Variants in ROR1 observed in about 807,000 individuals in gnomAD.
The protein encoded by ROR1 is inactive tyrosine-protein kinase transmembrane receptor ROR1.
Under a neutral mutation model 78.8 loss-of-function variants are expected in ROR1, and 19 were observed. That is an observed-to-expected ratio of 0.24 (90% CI 0.17 to 0.35). ROR1 has a LOEUF of 0.35. Ranked by LOEUF, ROR1 falls within the 10% of genes least tolerant of loss-of-function variation. ROR1 has a pLI of 1.00. For synonymous variants in ROR1, 386 were observed against 433.6 expected (o/e 0.89, Z 1.36); for missense variants, 917 against 1,177.8 (o/e 0.78, Z 3.24).
chr1:63,869,095 G>C (rs1645235241), intron 1 of ROR1, among the ~76,000 whole-genome samples: 2 of 152,158 alleles, frequency 1.3e-5, no homozygotes, highest in Admixed American at 1.3e-4. Flanking sequence ...CATTAGTGGG[G>C]ACACCCTTCC....
At chr1:63,996,546 T>C (rs1366568388) in intron 1 of ROR1, among the ~76,000 whole-genome samples, 1 of 152,196 alleles carries the variant, frequency 6.6e-6, no homozygotes. Flanking sequence ...TGCAGGATGA[T>C]AGTAATCCTC....
At chr1:64,124,110 A>C (rs1648634763) in intron 4 of ROR1, among the ~76,000 whole-genome samples, 1 of 152,198 alleles carries the variant, frequency 6.6e-6, no homozygotes, top group Non-Finnish European at 1.5e-5. Flanking sequence ...TTGTGTGTTT[A>C]TATGTATGTG....
chr1:63,877,386 A>ATG (rs1432516989), intron 1 of ROR1, among the ~76,000 whole-genome samples: 1 of 152,158 alleles, frequency 6.6e-6, no homozygotes, highest in African/African-American at 2.4e-5. Flanking sequence ...CATCTGTCTG[A>ATG]TGGGGATCAT....
intron 1 of ROR1, among the ~76,000 whole-genome samples, chr1:63,932,959 GC>G (rs1645765816): frequency 1.3e-5 from 2 of 152,286 alleles, no homozygotes; most frequent in East Asian, 3.9e-4. Flanking sequence ...CTGTCTGACA[GC>G]CCTTTATCTC....
At chr1:63,958,662 A>C (rs563412158) in intron 1 of ROR1, among the ~76,000 whole-genome samples, 1 of 152,338 alleles carries the variant, frequency 6.6e-6, no homozygotes, top group East Asian at 1.9e-4. Flanking sequence ...TCCAATGCTC[A>C]TATAGTGGAT....
In ROR1 at chr1:63,946,365, C is replaced by G. The variant is rs76378973; in HGVS notation, c.92-62940C>G. On this transcript the variant is annotated intron_variant, in intron 1 of 8. Transcript: ENST00000371079. ...CTCCCCCAGCGTTTTTCCCCAATGT[C>G]TGTTTAACCAGTTTTGTGTCTGCTT... is the stretch of plus-strand genomic sequence containing the variant. Among the ~76,000 whole-genome samples, 176 of 152,260 alleles carry G rather than the reference C, an allele frequency of 1.2e-3. 3 individuals are homozygous for G. The East Asian group carries it at 0.031, about 27-fold the overall frequency.
At chr1:63,982,724 A>G (rs780743562) in intron 1 of ROR1, among the ~76,000 whole-genome samples, 8 of 152,172 alleles carry the variant, frequency 5.3e-5, no homozygotes, top group Non-Finnish European at 1.2e-4. Context: ...AGTAGCTTTC[A>G]AGGAGTTGAA....
At chr1:63,783,938 CCA>C (rs1418506956) in intron 1 of ROR1, among the ~76,000 whole-genome samples, 1 of 152,118 alleles carries the variant, frequency 6.6e-6, no homozygotes, top group Non-Finnish European at 1.5e-5. Flanking sequence ...CTGCCCAAGA[CCA>C]CACAGAGAGT....
intron 4 of ROR1, among the ~76,000 whole-genome samples, chr1:64,061,952 C>T (rs867752946): frequency 6.6e-6 from 1 of 152,132 alleles, no homozygotes; most frequent in Non-Finnish European, 1.5e-5. Context: ...ATCTGTCAGG[C>T]GCTTCTATCC....
intron 1 of ROR1, chr1:63,843,551 G>T: frequency 1.4e-6 from 1 of 732,616 alleles, no homozygotes. Context: ...CCAGGATGAT[G>T]TTCTTCTTGT....
chr1:63,997,691 C>T (rs1334824337), intron 1 of ROR1, among the ~76,000 whole-genome samples: 2 of 151,770 alleles, frequency 1.3e-5, no homozygotes, highest in African/African-American at 4.8e-5. Context: ...TAAGACTCAC[C>T]TAGGGAGATT....
chr1:63,992,451 C>A (rs891180749), intron 1 of ROR1, among the ~76,000 whole-genome samples: 1 of 152,114 alleles, frequency 6.6e-6, no homozygotes. Context: ...CATGATCCAC[C>A]CGCCTTGGCC....
At chr1:63,822,274 A>G (rs1410601421) in intron 1 of ROR1, among the ~76,000 whole-genome samples, 1 of 152,206 alleles carries the variant, frequency 6.6e-6, no homozygotes, top group Non-Finnish European at 1.5e-5. Context: ...CGAAATAGAT[A>G]TTTGTTGAAC....
chr1:63,926,206 GGGATCCA>G (rs1327000718), intron 1 of ROR1, among the ~76,000 whole-genome samples: 1 of 150,134 alleles, frequency 6.7e-6, no homozygotes, highest in Non-Finnish European at 1.5e-5. Context: ...GTGTAAGGAA[GGGATCCA>G]GTTTCAGCTT....
At chr1:63,906,231 A>G (rs1645527612) in intron 1 of ROR1, among the ~76,000 whole-genome samples, 1 of 152,186 alleles carries the variant, frequency 6.6e-6, no homozygotes. Context: ...CCTCAGCCTC[A>G]TAGATACGGG....
chr1:63,805,559 GGAA>G (rs1420876590), intron 1 of ROR1, among the ~76,000 whole-genome samples: 2 of 152,194 alleles, frequency 1.3e-5, no homozygotes, highest in Non-Finnish European at 2.9e-5. Flanking sequence ...AGGAAAGAGG[GGAA>G]GATGCAGAAC....
At position 64,177,561 on chromosome 1, in the gene ROR1, C is replaced by A. The variant is rs1650417620; in HGVS notation, c.1520C>A (p.Thr507Asn). The change falls in exon 9 of 9, where the codon ACC becomes AAC. Residue 507 changes from threonine to asparagine, a missense_variant. By Grantham distance (65) the Thr-to-Asn change is moderately conservative (BLOSUM62 0). This residue lies in a region of ROR1 where 835 missense variants were observed against 1,069.8 expected (regional missense o/e 0.78). Transcript: ENST00000371079. ...CATGCTCAGCTGGTTGCTATCAAGA[C>A]CTTGAAAGACTATAACAACCCCCAG... ...MDHAQLVAIK[T>N]LKDYNNPQQW... is the part of the protein sequence containing the mutation. 1 of 1,614,034 alleles carries A rather than the reference C, an allele frequency of 6.2e-7. No homozygotes were observed. Among genetic ancestry groups the A allele is most frequent in the Non-Finnish European group, 8.5e-7 (1 of 1,180,018 alleles).
chr1:63,902,409 C>T (rs76291152), intron 1 of ROR1, among the ~76,000 whole-genome samples: 3,515 of 152,060 alleles, frequency 0.023, 76 homozygotes, highest in African/African-American at 0.054. Flanking sequence ...CCTCGACCTC[C>T]CAAGCTTCAG....
At chr1:64,067,237 C>G (rs1198664274) in intron 4 of ROR1, among the ~76,000 whole-genome samples, 2 of 151,812 alleles carry the variant, frequency 1.3e-5, no homozygotes, top group Admixed American at 6.6e-5. Context: ...GTAGTCCCAG[C>G]TATTTGGGAG....
Sources: allele counts gnomAD v4.1 joint callset (sites outside exome capture counted in the v4.1 genomes callset), GRCh38; gene constraint gnomAD v4.1.1; regional missense constraint gnomAD v4.1.1; transcripts MANE v1.5; gene names NCBI Gene and HGNC (gene_info 2026-07-23, HGNC 2026-07-21).